The following EYA2 variants were observed in gnomAD, a reference collection of about 807,000 sequenced individuals.
EYA2 encodes EYA transcriptional coactivator and phosphatase 2, also known as protein phosphatase EYA2.
Under a neutral mutation model 69.2 loss-of-function variants are expected in EYA2, and 31 were observed. The ratio of observed to expected loss-of-function variants is 0.45; its 90% CI spans 0.34 to 0.60. The LOEUF (loss-of-function observed/expected upper bound fraction) is 0.60, where lower values mean the gene tolerates loss of function less well. Among genes scored for constraint, EYA2 ranks in the 20% least tolerant of loss-of-function variants. The pLI is 0.02. For synonymous variants in EYA2, 257 were observed against 279.4 expected (o/e 0.92, Z 0.80); for missense variants, 622 against 701.2 (o/e 0.89, Z 1.28).
Position 47,017,417 on chromosome 20 carries a change from T to G in EYA2, c.415+1120T>G, listed in dbSNP as rs144553851. ...AGTATCTAGGACCACAGCTGTGCGC[T>G]GCTGTACCCAGCTTTGATAGTATTT... On this transcript the variant is annotated intron_variant, in intron 5 of 15. Transcript: ENST00000327619. Among the ~76,000 whole-genome samples the G allele has an allele frequency of 3.8e-3, 578 of 152,346 alleles. 3 individuals carry two copies. The highest frequency in any genetic ancestry group is 0.013 in the African/African-American group (556 of 41,582).
chr20:47,023,054 GAC>G (rs1334931697), intron 5 of EYA2, among the ~76,000 whole-genome samples: 1 of 151,222 alleles, frequency 6.6e-6, no homozygotes, highest in Non-Finnish European at 1.5e-5. Context: ...AAAAAAAAAA[GAC>G]ACATGAATTT....
intron 11 of EYA2, 125 bp from the exon 12 acceptor site, chr20:47,172,582 G>A (rs917948984): frequency 9.0e-6 from 8 of 888,426 alleles, no homozygotes; most frequent in African/African-American, 1.7e-5. Context: ...AGCACCCTGT[G>A]CATTTCGAGG....
intron 1 of EYA2, among the ~76,000 whole-genome samples, chr20:46,902,427 GTTA>G (rs1165609595): frequency 6.6e-6 from 1 of 152,168 alleles, no homozygotes; most frequent in Admixed American, 6.5e-5. Flanking sequence ...GGAACGTGCT[GTTA>G]TTATTATTTC....
At chr20:47,042,684 T>C (rs893695565) in intron 5 of EYA2, among the ~76,000 whole-genome samples, 13 of 152,186 alleles carry the variant, frequency 8.5e-5, no homozygotes, top group South Asian at 2.1e-4. Flanking sequence ...GAGAACCGAG[T>C]GTCCCAGCTT....
intron 1 of EYA2, among the ~76,000 whole-genome samples, chr20:46,928,856 G>A (rs766815465): frequency 2.6e-5 from 4 of 152,182 alleles, no homozygotes; most frequent in Non-Finnish European, 5.9e-5. Context: ...AGAAGGTTGT[G>A]TGGCCCGGAA....
chr20:46,897,562 T>A (rs770610323), intron 1 of EYA2, among the ~76,000 whole-genome samples: 8 of 152,172 alleles, frequency 5.3e-5, no homozygotes, highest in Admixed American at 1.3e-4. Context: ...CCACCAGATG[T>A]TTTTTAGGTG....
chr20:47,151,401 T>G (rs936457970), intron 10 of EYA2, among the ~76,000 whole-genome samples: 50 of 151,848 alleles, frequency 3.3e-4, no homozygotes, highest in Non-Finnish European at 6.3e-4. Context: ...TGAGCTATTA[T>G]GGACTGACCC....
chr20:47,161,555 G>A, intron 10 of EYA2: 1 of 365,734 alleles, frequency 2.7e-6, no homozygotes, highest in Non-Finnish European at 5.3e-6. Flanking sequence ...TCCACTCCTT[G>A]TCCTTGGTCT....
At chr20:47,118,491 G>A (rs2032964293) in intron 9 of EYA2, among the ~76,000 whole-genome samples, 1 of 60,390 alleles carries the variant, frequency 1.7e-5, no homozygotes, top group Non-Finnish European at 3.2e-5. Context: ...TGTCCCGGAG[G>A]TGAATGACAT....
chr20:47,023,216 T>C (rs1983862641), intron 5 of EYA2, among the ~76,000 whole-genome samples: 1 of 152,200 alleles, frequency 6.6e-6, no homozygotes, highest in African/African-American at 2.4e-5. Flanking sequence ...TTTGCAAACA[T>C]AAGTAAAATA....
chr20:47,114,762 G>C (rs1478707577), intron 9 of EYA2, among the ~76,000 whole-genome samples: 1 of 152,194 alleles, frequency 6.6e-6, no homozygotes, highest in Non-Finnish European at 1.5e-5. Flanking sequence ...CATGGGTGCG[G>C]ATCCCTCATG....
chr20:47,062,389 G>C (rs1309579671), intron 5 of EYA2, among the ~76,000 whole-genome samples: 2 of 152,162 alleles, frequency 1.3e-5, no homozygotes, highest in Non-Finnish European at 2.9e-5. Context: ...TGCACAGCTG[G>C]GGCTGAGTTC....
chr20:47,065,955 G>A (rs181474081), intron 5 of EYA2, among the ~76,000 whole-genome samples: 2 of 152,140 alleles, frequency 1.3e-5, no homozygotes, highest in African/African-American at 2.4e-5. Flanking sequence ...TCTGCCACAC[G>A]GTGATATTTG....
chr20:47,151,043 G>A (rs1005552108), intron 10 of EYA2, among the ~76,000 whole-genome samples: 5 of 152,018 alleles, frequency 3.3e-5, no homozygotes, highest in African/African-American at 1.2e-4. Flanking sequence ...AGCCAGAGAG[G>A]TGAAAAGGAA....
intron 9 of EYA2, among the ~76,000 whole-genome samples, chr20:47,102,428 T>C (rs377055190): frequency 9.2e-5 from 14 of 152,264 alleles, no homozygotes; most frequent in African/African-American, 1.7e-4. Flanking sequence ...GGATGTCCAG[T>C]GAATGGGCAC....
chr20:46,924,921 ACT>A (rs1311286184), intron 1 of EYA2, among the ~76,000 whole-genome samples: 1 of 151,950 alleles, frequency 6.6e-6, no homozygotes, highest in African/African-American at 2.4e-5. Context: ...ACAGAAATTT[ACT>A]CTCTCCGGAG....
intron 4 of EYA2, among the ~76,000 whole-genome samples, chr20:47,013,415 T>C (rs1983201751): frequency 6.6e-6 from 1 of 152,224 alleles, no homozygotes; most frequent in African/African-American, 2.4e-5. Flanking sequence ...TTGCAGTTTG[T>C]CTGTATCATC....
chr20:47,052,194 A>G (rs2030375600), intron 5 of EYA2, among the ~76,000 whole-genome samples: 1 of 152,148 alleles, frequency 6.6e-6, no homozygotes, highest in Non-Finnish European at 1.5e-5. Flanking sequence ...AAGAAATGAG[A>G]TGATTTCAGA....
chr20:46,962,190 G>A (rs1446096891), intron 1 of EYA2, among the ~76,000 whole-genome samples: 2 of 152,070 alleles, frequency 1.3e-5, no homozygotes, highest in Non-Finnish European at 2.9e-5. Context: ...CACCACACCT[G>A]GCTAATTTTT....
Sources: gnomAD v4.1 joint callset for allele counts (sites outside exome capture counted in the v4.1 genomes callset) on GRCh38, gnomAD v4.1.1 for gene constraint, MANE v1.5 for transcripts, NCBI Gene and HGNC (gene_info 2026-07-23, HGNC 2026-07-21) for gene names.